KSR2: variants seen among roughly 807,000 people sequenced by gnomAD.
The protein encoded by KSR2 is kinase suppressor of ras 2.
In KSR2, 25 loss-of-function variants were observed where a neutral mutation model predicts 107.8. The observed-to-expected ratio is 0.23, with a 90% CI of 0.17 to 0.32. The LOEUF is 0.32. KSR2 is among the 10% of genes least tolerant of loss of function. The probability of loss-of-function intolerance (pLI) is 1.00; values close to 1 mark genes in which losing one functional copy is unlikely to be tolerated. For synonymous variants in KSR2, 480 were observed against 507.0 expected (o/e 0.95, Z 0.71); for missense variants, 887 against 1,268.9 (o/e 0.70, Z 4.57).
At chr12:117,901,969 C>T (rs1432903985) in intron 1 of KSR2, among the ~76,000 whole-genome samples, 1 of 152,106 alleles carries the variant, frequency 6.6e-6, no homozygotes, top group Non-Finnish European at 1.5e-5. Context: ...GCCTCGTGAT[C>T]CAATATGACT....
chr12:117,941,089 A>AAAT lies in KSR2; in HGVS notation c.180+26984_180+26986dup, dbSNP rs943024602. Among the ~76,000 whole-genome samples, 6 of 152,146 alleles carry AAAT rather than the reference A, an allele frequency of 3.9e-5. 1 individual carries two copies. Among genetic ancestry groups the AAAT allele is most frequent in the East Asian group, 3.9e-4 (2 of 5,182 alleles). ...GACAGAGCAAGATTGTGTCTCAAAAAAATAATAATAATAATAAGATTTTTA... is the reference window on the plus strand; with the variant it reads ...GACAGAGCAAGATTGTGTCTCAAAAAAATAATAATAATAATAATAAGATTTTTA... On this transcript the variant is annotated intron_variant, in intron 1 of 19. Coordinates refer to ENST00000339824, the MANE Select transcript of KSR2 (RefSeq NM_173598.6).
chr12:117,711,518 T>C (rs1886780613), intron 4 of KSR2, among the ~76,000 whole-genome samples: 1 of 152,140 alleles, frequency 6.6e-6, no homozygotes, highest in East Asian at 1.9e-4. Context: ...GACAGAGCAA[T>C]GGGAATGGAC....
intron 14 of KSR2, among the ~76,000 whole-genome samples, chr12:117,492,439 T>A (rs1872794954): frequency 7.6e-6 from 1 of 132,236 alleles, no homozygotes; most frequent in Non-Finnish European, 1.6e-5. Flanking sequence ...AGGGGCTTTT[T>A]CTGGGAGCAG....
intron 3 of KSR2, among the ~76,000 whole-genome samples, chr12:117,765,847 A>G: frequency 6.6e-6 from 1 of 152,322 alleles, no homozygotes; most frequent in African/African-American, 2.4e-5. Context: ...TAAAGCAATC[A>G]AACCATCAGA....
At chr12:117,667,752 G>C (rs898331125) in intron 4 of KSR2, 94 bp from the exon 5 acceptor site, 1 of 1,043,832 alleles carries the variant, frequency 9.6e-7, no homozygotes, top group African/African-American at 1.6e-5. Context: ...CCCATGAGGG[G>C]TCCAAAACCC....
At chr12:117,591,871 T>G (rs1296407227) in intron 5 of KSR2, among the ~76,000 whole-genome samples, 1 of 151,824 alleles carries the variant, frequency 6.6e-6, no homozygotes, top group East Asian at 2.0e-4. Context: ...TAGGAGGGTG[T>G]GGTGGCTCAT....
intron 4 of KSR2, among the ~76,000 whole-genome samples, chr12:117,740,377 T>G (rs1285018764): frequency 7.1e-6 from 1 of 140,562 alleles, no homozygotes; most frequent in Non-Finnish European, 1.5e-5. Flanking sequence ...ATTAGATATG[T>G]TATATATACC....
intron 9 of KSR2, among the ~76,000 whole-genome samples, chr12:117,550,107 C>T (rs1877184850): frequency 6.6e-6 from 1 of 152,182 alleles, no homozygotes; most frequent in Non-Finnish European, 1.5e-5. Flanking sequence ...TAGATAAGAG[C>T]TGGAAACATC....
chr12:117,485,972 A>G (rs946814176), intron 14 of KSR2, among the ~76,000 whole-genome samples: 5 of 152,228 alleles, frequency 3.3e-5, no homozygotes, highest in Non-Finnish European at 5.9e-5. Context: ...TGTCCAATCC[A>G]TCCCAGAGGC....
chr12:117,631,326 G>A (rs1005949463), intron 5 of KSR2, among the ~76,000 whole-genome samples: 1 of 152,238 alleles, frequency 6.6e-6, no homozygotes, highest in African/African-American at 2.4e-5. Flanking sequence ...ATAAAAATTT[G>A]TTGAGTGATT....
intron 3 of KSR2, among the ~76,000 whole-genome samples, chr12:117,851,166 G>A (rs2137206320): frequency 6.6e-6 from 1 of 152,316 alleles, no homozygotes; most frequent in South Asian, 2.1e-4. Flanking sequence ...GGTCCCAGTG[G>A]CCCTAAGGCT....
intron 14 of KSR2, among the ~76,000 whole-genome samples, chr12:117,501,887 C>T (rs527442418): frequency 6.6e-6 from 1 of 152,360 alleles, no homozygotes; most frequent in Non-Finnish European, 1.5e-5. Context: ...TCCTATATCA[C>T]ATCCTCACAG....
At chr12:117,508,498 T>G (rs1171124760) in intron 14 of KSR2, among the ~76,000 whole-genome samples, 1 of 149,802 alleles carries the variant, frequency 6.7e-6, no homozygotes, top group Non-Finnish European at 1.5e-5. Context: ...GGTTGGAGAG[T>G]GGGAACATGG....
chr12:117,766,468 G>C (rs1889231042), intron 3 of KSR2, among the ~76,000 whole-genome samples: 1 of 152,182 alleles, frequency 6.6e-6, no homozygotes, highest in Admixed American at 6.5e-5. Flanking sequence ...GAACTAAATA[G>C]AGGTGGTGGT....
At chr12:117,927,932 A>G (rs1398322004) in intron 1 of KSR2, among the ~76,000 whole-genome samples, 1 of 152,038 alleles carries the variant, frequency 6.6e-6, no homozygotes, top group Non-Finnish European at 1.5e-5. Flanking sequence ...CCATCCATCC[A>G]TAGAACCTTT....
chr12:117,724,666 A>G (rs1887347516), intron 4 of KSR2, among the ~76,000 whole-genome samples: 1 of 152,040 alleles, frequency 6.6e-6, no homozygotes, highest in Non-Finnish European at 1.5e-5. Flanking sequence ...GCAATCCCAG[A>G]CATAACCAGC....
At chr12:117,922,858 AT>A (rs1895383814) in intron 1 of KSR2, among the ~76,000 whole-genome samples, 1 of 152,150 alleles carries the variant, frequency 6.6e-6, no homozygotes, top group South Asian at 2.1e-4. Context: ...CCATTTGGAG[AT>A]TTGTCTACTC....
rs529101998 is a variant in KSR2 at position 117,747,824 on chromosome 12, G to A, written c.986+13187C>T. On this transcript the variant is annotated intron_variant, in intron 4 of 19. Transcript: ENST00000339824. The stretch of plus-strand genomic sequence containing the variant: ...TTACCAAGTCATAGAGAGGATGTGG[G>A]GAAAAGGAACCCTTGTACACTGTTG... Among the ~76,000 whole-genome samples the A allele has an allele frequency of 2.6e-5, 4 of 152,218 alleles. No homozygotes were observed. The South Asian group carries it at 6.2e-4, about 24-fold the overall frequency.
intron 4 of KSR2, among the ~76,000 whole-genome samples, chr12:117,710,838 A>G (rs1379149673): frequency 6.6e-6 from 1 of 151,960 alleles, no homozygotes; most frequent in Non-Finnish European, 1.5e-5. Flanking sequence ...TTCCTCCCTC[A>G]CCATGTTTCA....
Sources: gnomAD v4.1 joint callset for allele counts (sites outside exome capture counted in the v4.1 genomes callset) on GRCh38, gnomAD v4.1.1 for gene constraint, MANE v1.5 for transcripts, NCBI Gene and HGNC (gene_info 2026-07-23, HGNC 2026-07-21) for gene names.